Variants in GABBR2 observed in about 807,000 individuals in gnomAD.
The protein encoded by GABBR2 is gamma-aminobutyric acid type B receptor subunit 2, also known as G-protein coupled receptor 51.
GABBR2 carries 23 observed loss-of-function variants against 105.6 expected under a neutral mutation model. The observed-to-expected ratio is 0.22, with a 90% CI of 0.16 to 0.31. The LOEUF is 0.31. Among genes scored for constraint, GABBR2 ranks in the 10% least tolerant of loss-of-function variants. GABBR2 has a pLI of 1.00. For synonymous variants in GABBR2, 478 were observed against 499.7 expected, an observed-to-expected ratio of 0.96 and a Z score of 0.58; for missense variants, 734 against 1,245.5, an observed-to-expected ratio of 0.59 and a Z score of 6.18.
At chr9:98,553,684 A>G (rs1311077624) in intron 2 of GABBR2, among the ~76,000 whole-genome samples, 1 of 152,228 alleles carries the variant, frequency 6.6e-6, no homozygotes, top group African/African-American at 2.4e-5. Context: ...CCGTGGAGCA[A>G]GCACTGCATG....
intron 1 of GABBR2, among the ~76,000 whole-genome samples, chr9:98,587,824 T>C (rs150925062): frequency 6.6e-6 from 1 of 152,346 alleles, no homozygotes; most frequent in East Asian, 1.9e-4. Flanking sequence ...GGCAAAATTG[T>C]TTAATGGTGA....
chr9:98,689,516 C>G (rs1830659575), intron 1 of GABBR2, among the ~76,000 whole-genome samples: 1 of 152,304 alleles, frequency 6.6e-6, no homozygotes, highest in Admixed American at 6.5e-5. Flanking sequence ...AAGCTCATGC[C>G]TGTGCCTAGT....
At chr9:98,635,750 G>A (rs1256525471) in intron 1 of GABBR2, among the ~76,000 whole-genome samples, 5 of 152,248 alleles carry the variant, frequency 3.3e-5, no homozygotes, top group Admixed American at 6.5e-5. Context: ...ACTGTGGCTG[G>A]AGTATTTGCA....
Position 98,290,757 on chromosome 9 carries a change from GA to G in GABBR2, c.2661-9del. 6.8e-7 allele frequency: 1 copy of G among 1,471,032 alleles called. No individual in the cohort carries two copies. The highest frequency in any genetic ancestry group is 3.1e-5 in the Admixed American group (1 of 32,292). The allele number at this position is 1,471,032 out of a possible 1,614,324, so 91.1% of individuals were successfully genotyped here. On this transcript the variant is annotated splice_polypyrimidine_tract_variant and intron_variant, in intron 18 of 18. Coordinates refer to ENST00000259455, the MANE Select transcript of GABBR2 (RefSeq NM_005458.8). ...GACAGCCGACGCTGGATGCTGAAGA[GA>G]AGGAGAGGGAGGAGTGTTAGTGAAG...
At chr9:98,307,417 G>T (rs1397371357) in intron 14 of GABBR2, among the ~76,000 whole-genome samples, 1 of 152,134 alleles carries the variant, frequency 6.6e-6, no homozygotes, top group Non-Finnish European at 1.5e-5. Context: ...CTGGTACAGG[G>T]ACCTCTGCTT....
chr9:98,653,033 G>A (rs1830131371), intron 1 of GABBR2, among the ~76,000 whole-genome samples: 2 of 152,324 alleles, frequency 1.3e-5, no homozygotes, highest in South Asian at 4.1e-4. Flanking sequence ...GACTTGCTCT[G>A]TTACCCAGGC....
chr9:98,368,595 G>A (rs886253934), intron 12 of GABBR2, among the ~76,000 whole-genome samples: 53 of 152,344 alleles, frequency 3.5e-4, no homozygotes, highest in Non-Finnish European at 4.7e-4. Flanking sequence ...ATGTTTTGTC[G>A]ATTGTGGCCA....
At chr9:98,658,797 A>G (rs1830217442) in intron 1 of GABBR2, among the ~76,000 whole-genome samples, 1 of 152,304 alleles carries the variant, frequency 6.6e-6, no homozygotes, top group East Asian at 1.9e-4. Context: ...AGGGATCACA[A>G]GCCACGTTAG....
At chr9:98,537,620 A>G (rs982527173) in intron 3 of GABBR2, among the ~76,000 whole-genome samples, 37 of 151,018 alleles carry the variant, frequency 2.5e-4, no homozygotes, top group African/African-American at 8.0e-4. Flanking sequence ...TTTTTTTTGT[A>G]GAGACAGGGC....
intron 7 of GABBR2, among the ~76,000 whole-genome samples, chr9:98,436,303 A>ATATAT (rs1564068032): frequency 1.5e-4 from 14 of 92,480 alleles, no homozygotes; most frequent in South Asian, 1.5e-3. Context: ...ATATATATAT[A>ATATAT]CCCATAAATA....
At chr9:98,482,236 GCTGA>G (rs1431923992) in intron 4 of GABBR2, among the ~76,000 whole-genome samples, 1 of 152,234 alleles carries the variant, frequency 6.6e-6, no homozygotes, top group Admixed American at 6.5e-5. Flanking sequence ...ATTGGAAAGT[GCTGA>G]CTGAGAGGCC....
Position 98,580,803 on chromosome 9 carries a change from G to A in GABBR2, c.322-2731C>T, listed in dbSNP as rs143548802. ...ATCTCAAAACAAAACAAACAAATCT[G>A]TTGGACACTCTCCCTTCATCTGCTC... On this transcript the variant is annotated intron_variant, in intron 1 of 18. Transcript: ENST00000259455. Among the ~76,000 whole-genome samples the A allele has an allele frequency of 7.8e-4, 118 of 152,188 alleles. 1 individual carries two copies. The highest frequency in any genetic ancestry group is 9.2e-4 in the Admixed American group (14 of 15,292).
At chr9:98,295,689 C>A (rs2131338964) in intron 17 of GABBR2, among the ~76,000 whole-genome samples, 1 of 152,168 alleles carries the variant, frequency 6.6e-6, no homozygotes, top group East Asian at 1.9e-4. Context: ...CCATGCCCGG[C>A]TAATTTTTGT....
chr9:98,575,096 C>T (rs74989672), intron 2 of GABBR2, among the ~76,000 whole-genome samples: 1 of 147,276 alleles, frequency 6.8e-6, no homozygotes, highest in Non-Finnish European at 1.5e-5. Context: ...CACCCCCCCC[C>T]AAATCTGCAA....
chr9:98,557,242 C>T (rs1468663691), intron 2 of GABBR2, among the ~76,000 whole-genome samples: 1 of 152,160 alleles, frequency 6.6e-6, no homozygotes, highest in Non-Finnish European at 1.5e-5. Context: ...GGCTCTCCCT[C>T]ACTCCCCTCT....
chr9:98,513,677 C>T (rs1207828102), intron 3 of GABBR2, among the ~76,000 whole-genome samples: 1 of 152,168 alleles, frequency 6.6e-6, no homozygotes, highest in Non-Finnish European at 1.5e-5. Context: ...CACTGGCCAT[C>T]AGAGAAGTGC....
chr9:98,433,090 A>G (rs1825840885), intron 7 of GABBR2, among the ~76,000 whole-genome samples: 1 of 152,208 alleles, frequency 6.6e-6, no homozygotes, highest in Non-Finnish European at 1.5e-5. Flanking sequence ...AACATGAATT[A>G]CTGAAGCAGC....
At chr9:98,560,255 G>T (rs1828648758) in intron 2 of GABBR2, among the ~76,000 whole-genome samples, 1 of 152,060 alleles carries the variant, frequency 6.6e-6, no homozygotes. Flanking sequence ...AAGGAATCTA[G>T]GAATATATTA....
intron 1 of GABBR2, among the ~76,000 whole-genome samples, chr9:98,680,783 G>A (rs1315890134): frequency 6.6e-6 from 1 of 152,128 alleles, no homozygotes. Flanking sequence ...CCGGGACACT[G>A]ACCCAGAAAG....
Sources: allele counts gnomAD v4.1 joint callset (sites outside exome capture counted in the v4.1 genomes callset), GRCh38; gene constraint gnomAD v4.1.1; transcripts MANE v1.5; gene names NCBI Gene and HGNC (gene_info 2026-07-23, HGNC 2026-07-21).